The following XYLT1 variants were observed in gnomAD, a reference collection of about 807,000 sequenced individuals.
XYLT1 encodes the protein xylosyltransferase 1.
Under a neutral mutation model 91.3 loss-of-function variants are expected in XYLT1, and 36 were observed. That is an observed-to-expected ratio of 0.39 (90% CI 0.30 to 0.52). The LOEUF (loss-of-function observed/expected upper bound fraction) is 0.52, where lower values mean the gene tolerates loss of function less well. Among genes scored for constraint, XYLT1 ranks in the 20% least tolerant of loss-of-function variants. The pLI is 0.68. For synonymous variants in XYLT1, 588 were observed against 532.0 expected, an observed-to-expected ratio of 1.11 and a Z score of -1.45; for missense variants, 1,242 against 1,284.5, an observed-to-expected ratio of 0.97 and a Z score of 0.51.
intron 2 of XYLT1, among the ~76,000 whole-genome samples, chr16:17,289,052 T>C (rs2034183585): frequency 6.6e-6 from 1 of 152,218 alleles, no homozygotes; most frequent in Admixed American, 6.5e-5. Flanking sequence ...TTGTAAGTTT[T>C]CATCCACGAT....
chr16:17,292,572 G>C (rs1392000623), intron 2 of XYLT1, among the ~76,000 whole-genome samples: 3 of 152,130 alleles, frequency 2.0e-5, no homozygotes, highest in Non-Finnish European at 4.4e-5. Context: ...TACAGCTCTG[G>C]TATAGTCAAG....
In XYLT1 at chr16:17,127,776, T is replaced by C. The variant is rs746101387; in HGVS notation, c.2113A>G (p.Thr705Ala). Residue 705 changes from threonine (T) to alanine (A), a missense_variant, in exon 10 of 12, where the codon ACC (threonine) becomes GCC (alanine). Transcript: ENST00000261381. The stretch of plus-strand genomic sequence containing the variant: ...TCTAGTTTGCTCACAGCCAGATTGG[T>C]AGCATGATGCTTGATCAGAAAGCCC... The part of the protein sequence containing the change: ...FQGFLIKHHA[T>A]NLAVSKLETL... The C allele has an allele frequency of 1.2e-6, 2 of 1,614,178 alleles. No homozygotes were observed. The highest frequency in any genetic ancestry group is 1.7e-6 in the Non-Finnish European group (2 of 1,180,022).
At chr16:17,302,085 AC>A (rs1437536615) in intron 2 of XYLT1, among the ~76,000 whole-genome samples, 2 of 152,004 alleles carry the variant, frequency 1.3e-5, no homozygotes, top group African/African-American at 4.8e-5. Context: ...GGTGGCATAC[AC>A]CCTAGCTACT....
In XYLT1 at chr16:17,406,474, T is replaced by C. The variant is rs534251355; in HGVS notation, c.364-48424A>G. ...ATCTGGGATCCAGTAAGCTCCCCCA[T>C]GGGGCCTAAACTAGACTAAGTTGGT... On this transcript the variant is annotated intron_variant, in intron 1 of 11. Coordinates refer to ENST00000261381, the MANE Select transcript of XYLT1 (RefSeq NM_022166.4). Among the ~76,000 whole-genome samples the C allele has an allele frequency of 4.9e-4, 75 of 152,294 alleles. 3 individuals carry two copies. The South Asian group carries it at 0.015, about 29-fold the overall frequency.
intron 3 of XYLT1, chr16:17,249,631 C>T (rs1263154960): frequency 6.7e-6 from 1 of 148,818 alleles, no homozygotes; most frequent in Non-Finnish European, 1.5e-5. Context: ...TGTTCCTTCT[C>T]TAGGCACCTA....
intron 5 of XYLT1, among the ~76,000 whole-genome samples, chr16:17,191,995 A>C (rs1226878884): frequency 1.3e-5 from 2 of 152,114 alleles, no homozygotes; most frequent in Non-Finnish European, 1.5e-5. Flanking sequence ...GGAGGGGCCA[A>C]GGACACACTC....
At chr16:17,292,168 A>G (rs1567359525) in intron 2 of XYLT1, among the ~76,000 whole-genome samples, 1 of 152,054 alleles carries the variant, frequency 6.6e-6, no homozygotes, top group Non-Finnish European at 1.5e-5. Context: ...TAAATATTAT[A>G]TATATTATAT....
rs73525196 is a variant in XYLT1, at chr16:17,410,229, G to A, written c.364-52179C>T. Reference sequence around the variant, plus strand: ...CAAAAGGTGTATTAGAGCCATAAGTGCATAGAGAGAAAAGCGGGTACATTA... The same window carrying A: ...CAAAAGGTGTATTAGAGCCATAAGTACATAGAGAGAAAAGCGGGTACATTA... On this transcript the variant is annotated intron_variant, in intron 1 of 11. Coordinates refer to ENST00000261381, the MANE Select transcript of XYLT1 (RefSeq NM_022166.4). Among the ~76,000 whole-genome samples, 372 of 152,304 alleles carry A rather than the reference G, an allele frequency of 2.4e-3. 6 individuals carry two copies. Among genetic ancestry groups the A allele is most frequent in the African/African-American group, 8.4e-3 (351 of 41,554 alleles).
At chr16:17,207,028 A>G (rs1186097763) in intron 3 of XYLT1, among the ~76,000 whole-genome samples, 1 of 149,808 alleles carries the variant, frequency 6.7e-6, no homozygotes, top group Non-Finnish European at 1.5e-5. Flanking sequence ...CTCCCTTGAG[A>G]GTCAGGTTGG....
intron 3 of XYLT1, among the ~76,000 whole-genome samples, chr16:17,221,226 C>CA (rs2032962265): frequency 6.6e-6 from 1 of 151,960 alleles, no homozygotes. Context: ...GACTGATTGG[C>CA]AAAAAACAGG....
intron 1 of XYLT1, among the ~76,000 whole-genome samples, chr16:17,455,993 C>T (rs1293693918): frequency 4.6e-5 from 7 of 152,316 alleles, no homozygotes; most frequent in African/African-American, 1.7e-4. Context: ...GTAATTATCG[C>T]TGTAATTATT....
At chr16:17,332,133 G>T (rs138151001) in intron 2 of XYLT1, among the ~76,000 whole-genome samples, 1 of 152,316 alleles carries the variant, frequency 6.6e-6, no homozygotes, top group Non-Finnish European at 1.5e-5. Context: ...GCCCTGCATG[G>T]TGCACAGCAC....
chr16:17,356,857 G>T (rs544965120), intron 2 of XYLT1, among the ~76,000 whole-genome samples: 1 of 152,152 alleles, frequency 6.6e-6, no homozygotes, highest in East Asian at 1.9e-4. Context: ...GATCCAGCAG[G>T]AAAAGTAACA....
intron 1 of XYLT1, chr16:17,369,740 C>T (rs1370836425): frequency 6.6e-6 from 1 of 152,228 alleles, no homozygotes; most frequent in Non-Finnish European, 1.5e-5. Flanking sequence ...CTTTTCAGGG[C>T]CGTGACCCAG....
intron 1 of XYLT1, among the ~76,000 whole-genome samples, chr16:17,369,926 C>G (rs574765637): frequency 6.6e-6 from 1 of 152,290 alleles, no homozygotes; most frequent in South Asian, 2.1e-4. Context: ...CCCGAGGAGC[C>G]AAAAACGTGC....
intron 1 of XYLT1, among the ~76,000 whole-genome samples, chr16:17,449,565 C>T (rs2036639373): frequency 6.6e-6 from 1 of 152,218 alleles, no homozygotes; most frequent in African/African-American, 2.4e-5. Context: ...AGTTACTTCC[C>T]CTCTCTGTGC....
At chr16:17,286,877 G>A (rs1008508567) in intron 2 of XYLT1, among the ~76,000 whole-genome samples, 2 of 152,144 alleles carry the variant, frequency 1.3e-5, no homozygotes, top group Non-Finnish European at 1.5e-5. Flanking sequence ...CAATTTTACA[G>A]ATGAGGAAAC....
intron 2 of XYLT1, among the ~76,000 whole-genome samples, chr16:17,282,206 A>G (rs1246956941): frequency 3.9e-5 from 6 of 152,158 alleles, no homozygotes; most frequent in Admixed American, 3.9e-4. Context: ...TCCTATTTCT[A>G]AAATGGAGAA....
At chr16:17,211,800 G>C (rs1264221419) in intron 3 of XYLT1, among the ~76,000 whole-genome samples, 1 of 152,132 alleles carries the variant, frequency 6.6e-6, no homozygotes, top group Non-Finnish European at 1.5e-5. Flanking sequence ...TCTCAGAATG[G>C]CTTCAAAACT....
Sources: allele counts gnomAD v4.1 joint callset (sites outside exome capture counted in the v4.1 genomes callset), GRCh38; gene constraint gnomAD v4.1.1; transcripts MANE v1.5; gene names NCBI Gene and HGNC (gene_info 2026-07-23, HGNC 2026-07-21).